FRYL: variants seen among roughly 807,000 people sequenced by gnomAD.
FRYL encodes FRY like transcription coactivator, also known as protein furry homolog-like.
A neutral mutation model predicts 351.2 loss-of-function variants in FRYL; 150 were observed. That is an observed-to-expected ratio of 0.43 (90% CI 0.37 to 0.49). The LOEUF is 0.49. FRYL is among the 20% of genes least tolerant of loss of function. The pLI, the probability that FRYL is intolerant of heterozygous loss-of-function variation, is 0.00. For synonymous variants in FRYL, 1,153 were observed against 1,257.1 expected (o/e 0.92, Z 1.75); for missense variants, 3,036 against 3,619.3 (o/e 0.84, Z 4.13).
chr4:48,596,040 T>C (rs1437600762), intron 13 of FRYL, 40 bp from the exon 14 acceptor site: 1 of 1,280,274 alleles, frequency 7.8e-7, no homozygotes, highest in Non-Finnish European at 1.1e-6. Context: ...TTATAATACT[T>C]GCAATCACTT....
At chr4:48,680,173 A>G (rs1402805594) in intron 3 of FRYL, among the ~76,000 whole-genome samples, 2 of 151,988 alleles carry the variant, frequency 1.3e-5, no homozygotes, top group African/African-American at 4.8e-5. Context: ...AATACATATC[A>G]AACTTGCAGA....
chr4:48,550,446 T>A (rs1732453574), intron 38 of FRYL, 146 bp downstream of exon 38: 2 of 577,076 alleles, frequency 3.5e-6, no homozygotes. Context: ...AATCAAGATG[T>A]TTCAGATTAT....
At position 48,557,434 on chromosome 4, in the gene FRYL, A is replaced by C; in HGVS notation, c.4125+19T>G. ...TCAATAATTCTGTGCAGCAATTATA[A>C]ATACAAAACTCATTTTACCTTTGCT... On this transcript the variant is annotated intron_variant, in intron 34 of 63. Transcript: ENST00000358350. The C allele has an allele frequency of 6.2e-7, 1 of 1,612,436 alleles. No homozygotes were observed. The highest frequency in any genetic ancestry group is 1.7e-5 in the Admixed American group (1 of 59,968).
chr4:48,726,520 A>T (rs1770107506), intron 1 of FRYL, among the ~76,000 whole-genome samples: 1 of 152,160 alleles, frequency 6.6e-6, no homozygotes, highest in South Asian at 2.1e-4. Flanking sequence ...TGTCTCTACT[A>T]AAAATACAAA....
chr4:48,512,615 T>C lies in FRYL; in HGVS notation c.8011A>G (p.Ile2671Val). The C allele has an allele frequency of 6.2e-7, 1 of 1,614,086 alleles. No homozygotes were observed. The highest frequency in any genetic ancestry group is 8.5e-7 in the Non-Finnish European group (1 of 1,179,964). The change falls in exon 57 of 64, where the codon ATC (isoleucine) becomes GTC (valine). Residue 2671 changes from isoleucine (I) to valine (V), a missense_variant. By Grantham distance (29) the Ile-to-Val change is conservative. This residue lies in a region of FRYL where 1,987 missense variants were observed against 2,311.7 expected (regional missense o/e 0.86). Coordinates refer to ENST00000358350, the MANE Select transcript of FRYL (RefSeq NM_015030.2). ...SPLPSPFLSA[I>V]IAAFQPVAYD... ...GCCACGGGCTGAAAGGCGGCTATGA[T>C]GGCAGAAAGAAATGGTGACGGCAGA...
chr4:48,735,971 TA>T lies in FRYL; in HGVS notation c.-383-25274del, dbSNP rs71191254. Reference sequence around the variant, plus strand: ...ATGTACCCTAAAACTTAGAGTATAATAAAAAAAAAAAAAAAAAAAAAAAAGA... The same window carrying T: ...ATGTACCCTAAAACTTAGAGTATAATAAAAAAAAAAAAAAAAAAAAAAAGA... On this transcript the variant is annotated intron_variant, in intron 1 of 63. Transcript: ENST00000358350. Among the ~76,000 whole-genome samples, 89 of 100,612 alleles carry T rather than the reference TA, an allele frequency of 8.8e-4. 1 individual carries two copies. Among genetic ancestry groups the T allele is most frequent in the African/African-American group, 2.7e-3 (76 of 27,830 alleles). 66.0% of individuals were successfully genotyped at this position (100,612 alleles called of 152,430 possible).
At chr4:48,573,537 T>C (rs910511555) in intron 25 of FRYL, among the ~76,000 whole-genome samples, 4 of 152,198 alleles carry the variant, frequency 2.6e-5, no homozygotes, top group Non-Finnish European at 5.9e-5. Context: ...GAAACTGTTT[T>C]ATATAAAATG....
At chr4:48,676,340 C>T (rs770955491) in intron 3 of FRYL, among the ~76,000 whole-genome samples, 11 of 152,308 alleles carry the variant, frequency 7.2e-5, no homozygotes, top group African/African-American at 1.4e-4. Flanking sequence ...ACCACGAACC[C>T]ACCAGAAAGA....
In FRYL at chr4:48,764,406, C is replaced by T. The variant is rs970812658; in HGVS notation, c.-384+15672G>A. 5.3e-5 allele frequency among the ~76,000 whole-genome samples: 8 copies of T among 151,700 alleles called. No individual in the cohort carries two copies. In the South Asian group the frequency reaches 8.3e-4, roughly 16 times the overall value. On this transcript the variant is annotated intron_variant, in intron 1 of 63. Transcript: ENST00000358350. ...GTTAGCCGGGTATGATGGTGTGTGC[C>T]TATGGTCCCAGCTACGTGGGAGGCT...
chr4:48,623,003 G>A, intron 5 of FRYL, 123 bp downstream of exon 5: 1 of 626,756 alleles, frequency 1.6e-6, no homozygotes, highest in South Asian at 2.1e-5. Flanking sequence ...AATCTAGAAT[G>A]AATTAAGCAT....
chr4:48,582,592 G>A lies in FRYL; in HGVS notation c.1891C>T (p.Pro631Ser), dbSNP rs371505381. 6.2e-7 allele frequency: 1 copy of A among 1,613,904 alleles called. No individual in the cohort carries two copies. The highest frequency in any genetic ancestry group is 8.5e-7 in the Non-Finnish European group (1 of 1,179,852). The change falls in exon 20 of 64, where the codon CCC becomes TCC. Residue 631 changes from proline to serine, a missense_variant. By Grantham distance (74) the Pro-to-Ser change is moderately conservative (BLOSUM62 -1). Transcript: ENST00000358350. ...TTTACGGCATTATCAAGAAGTGTGG[G>A]ATGGACATCAGTCACTTCACGAACA... Reference protein sequence around the residue: ...FIVREVTDVHPTLLDNAVKML... With the variant: ...FIVREVTDVHSTLLDNAVKML...
rs371613126 is a variant in FRYL at position 48,515,190 on chromosome 4, A to C, written c.7775T>G (p.Leu2592Arg). 3 of 1,613,208 alleles carry C rather than the reference A, an allele frequency of 1.9e-6. No homozygotes were observed. Among genetic ancestry groups the C allele is most frequent in the South Asian group, 1.1e-5 (1 of 91,060 alleles). ...TAAATCAAGAATTCCTTGACACACA[A>C]GAGATTCCTGCTGTTCTTGAATTAT... ...SYIIQEQQES[L>R]VCQGILDLEE... The change falls in exon 56 of 64, where the codon CTT becomes CGT. Residue 2592 changes from leucine (L) to arginine (R), a missense_variant. Leu to Arg is a moderately radical substitution (Grantham distance 102). This residue lies in a region of FRYL where 1,987 missense variants were observed against 2,311.7 expected (regional missense o/e 0.86). Coordinates refer to ENST00000358350, the MANE Select transcript of FRYL (RefSeq NM_015030.2).
Position 48,620,654 on chromosome 4 carries a change from C to A in FRYL, c.299G>T (p.Ser100Ile). 1 of 1,613,500 alleles carries A rather than the reference C, an allele frequency of 6.2e-7. No individual in the cohort carries two copies. The highest frequency in any genetic ancestry group is 8.5e-7 in the Non-Finnish European group (1 of 1,179,562). The change falls in exon 6 of 64, where the codon AGC becomes ATC. Residue 100 changes from serine (S) to isoleucine (I), a missense_variant. Ser to Ile is a moderately radical substitution (Grantham distance 142). This residue lies in a region of FRYL where 457 missense variants were observed against 566.6 expected (regional missense o/e 0.81). Coordinates refer to ENST00000358350, the MANE Select transcript of FRYL (RefSeq NM_015030.2). The stretch of plus-strand genomic sequence containing the variant: ...AAGCACTTACCCCTTAGACTTTGTG[C>A]TAGACCGAGGCCTATATTCATAAGA... Reference protein sequence around the residue: ...DESYEYRPRSSTKSKGDEQQR... With the variant: ...DESYEYRPRSITKSKGDEQQR...
intron 19 of FRYL, among the ~76,000 whole-genome samples, chr4:48,583,764 G>T (rs190387752): frequency 6.6e-6 from 1 of 152,052 alleles, no homozygotes; most frequent in Admixed American, 6.5e-5. Context: ...CATTAACCAG[G>T]CGTGGTGGTG....
Position 48,623,134 on chromosome 4 carries a change from A to G in FRYL, c.166T>C (p.Phe56Leu), listed in dbSNP as rs1751007445. The G allele has an allele frequency of 6.3e-7, 1 of 1,583,422 alleles. No individual in the cohort carries two copies. Among genetic ancestry groups the G allele is most frequent in the African/African-American group, 1.4e-5 (1 of 73,162 alleles). The change falls in exon 5 of 64, where the codon TTT (phenylalanine) becomes CTT (leucine). Residue 56 changes from phenylalanine to leucine, a missense_variant. Coordinates refer to ENST00000358350, the MANE Select transcript of FRYL (RefSeq NM_015030.2). ...RSLQRGEDLQ[F>L]DQLISSMSSV... ...TCCCAAAATTGTCATACCTGATCAA[A>G]CTGAAGATCTTCACCCCTCTGAAGA...
In FRYL at chr4:48,570,294, C is replaced by T. The variant is rs552690364; in HGVS notation, c.2996+533G>A. 2.3e-3 allele frequency among the ~76,000 whole-genome samples: 347 copies of T among 152,212 alleles called. 13 individuals are homozygous for T. The South Asian group carries it at 0.052, about 23-fold the overall frequency. On this transcript the variant is annotated intron_variant, in intron 27 of 63. Transcript: ENST00000358350. Reference sequence around the variant, plus strand: ...GCTTAGTGTGAAGATGCCTTTACTGCGGCAATATCTCCAGGTTTCATGGTT... The same window carrying T: ...GCTTAGTGTGAAGATGCCTTTACTGTGGCAATATCTCCAGGTTTCATGGTT...
At chr4:48,759,204 C>T (rs567595664) in intron 1 of FRYL, among the ~76,000 whole-genome samples, 8 of 152,062 alleles carry the variant, frequency 5.3e-5, no homozygotes, top group African/African-American at 1.4e-4. Flanking sequence ...GTATTGTGCA[C>T]ATGTACTATA....
chr4:48,673,403 G>A (rs1763037707), intron 3 of FRYL, among the ~76,000 whole-genome samples: 1 of 151,430 alleles, frequency 6.6e-6, no homozygotes, highest in Non-Finnish European at 1.5e-5. Flanking sequence ...AAGAGACAGA[G>A]CCTCGCTATG....
chr4:48,578,559 A>G (rs1373911526), intron 23 of FRYL, among the ~76,000 whole-genome samples: 7 of 152,216 alleles, frequency 4.6e-5, no homozygotes, highest in Admixed American at 3.3e-4. Context: ...ACTCCCCACC[A>G]GAAGGTGGCC....
Sources: gnomAD v4.1 joint callset for allele counts (sites outside exome capture counted in the v4.1 genomes callset) on GRCh38, gnomAD v4.1.1 for gene constraint, gnomAD v4.1.1 regional missense constraint, MANE v1.5 for transcripts, NCBI Gene and HGNC (gene_info 2026-07-23, HGNC 2026-07-21) for gene names.